ARHGAP23: variants seen among roughly 807,000 people sequenced by gnomAD.
ARHGAP23 encodes the protein rho GTPase-activating protein 23.
Under a neutral mutation model 136.3 loss-of-function variants are expected in ARHGAP23, and 34 were observed. That is an observed-to-expected ratio of 0.25 (90% confidence interval 0.19 to 0.33). The LOEUF (loss-of-function observed/expected upper bound fraction) is 0.33, where lower values mean the gene tolerates loss of function less well. ARHGAP23 is among the 10% of genes least tolerant of loss of function. ARHGAP23 has a pLI of 1.00. For synonymous variants in ARHGAP23, 832 were observed against 920.5 expected (o/e 0.90, Z 1.74); for missense variants, 1,808 against 2,139.0 (o/e 0.85, Z 3.05).
chr17:38,433,627 T>C (rs9900951), intron 1 of ARHGAP23, among the ~76,000 whole-genome samples: 1,865 of 152,174 alleles, frequency 0.012, 33 homozygotes, highest in African/African-American at 0.041. Flanking sequence ...GATAGGAAAT[T>C]AGAGGAGCAG....
chr17:38,480,661 G>A (rs1275286289), intron 14 of ARHGAP23, among the ~76,000 whole-genome samples: 1 of 150,978 alleles, frequency 6.6e-6, no homozygotes, highest in Non-Finnish European at 1.5e-5. Context: ...AAAAGTACCC[G>A]GGCGTGGTGG....
rs1389207202 is a variant in ARHGAP23 at position 38,511,140 on chromosome 17, G to A, written c.*168G>A. The A allele has an allele frequency of 2.8e-6, 2 of 723,366 alleles. No individual in the cohort carries two copies. Among genetic ancestry groups the A allele is most frequent in the East Asian group, 3.5e-5 (1 of 28,926 alleles). The allele number at this position is 723,366 out of a possible 1,614,324, so 44.8% of individuals were successfully genotyped here. On this transcript the variant is annotated 3_prime_UTR_variant, in exon 24 of 24. Coordinates refer to ENST00000622683, the MANE Select transcript of ARHGAP23 (RefSeq NM_001199417.2). ...GGTGTGCTGGAACTGGCAGGGCAGA[G>A]GAGAAGGCTGGGGCCGGACTAATTG... is the stretch of plus-strand genomic sequence containing the variant.
intron 11 of ARHGAP23, among the ~76,000 whole-genome samples, chr17:38,475,560 G>A (rs941347275): frequency 4.6e-5 from 7 of 152,204 alleles, no homozygotes; most frequent in Non-Finnish European, 7.3e-5. Flanking sequence ...TGCCAGCCAC[G>A]GGGTCTCTTT....
chr17:38,455,453 G>A (rs1275940700), intron 1 of ARHGAP23, among the ~76,000 whole-genome samples: 2 of 152,140 alleles, frequency 1.3e-5, no homozygotes, highest in African/African-American at 4.8e-5. Context: ...GACCCGGAGA[G>A]GAAGGCATGC....
intron 17 of ARHGAP23, among the ~76,000 whole-genome samples, chr17:38,489,025 A>C (rs1021388036): frequency 2.6e-5 from 4 of 151,718 alleles, no homozygotes; most frequent in Admixed American, 2.0e-4. Context: ...ACAGGCGCCT[A>C]CCACCATGCC....
intron 1 of ARHGAP23, among the ~76,000 whole-genome samples, chr17:38,444,345 G>A (rs1219549270): frequency 1.3e-5 from 2 of 152,056 alleles, no homozygotes; most frequent in African/African-American, 2.4e-5. Context: ...TTCATTGTGC[G>A]GGCTCATTTC....
rs556813600 is a variant in ARHGAP23, at chr17:38,465,339, G to T, written c.484-828G>T. 4.9e-5 allele frequency among the ~76,000 whole-genome samples: 7 copies of T among 142,018 alleles called. No individual in the cohort carries two copies. The South Asian group carries it at 1.5e-3, about 29-fold the overall frequency. 93.2% of individuals were successfully genotyped at this position (142,018 alleles called of 152,430 possible). On this transcript the variant is annotated intron_variant, in intron 6 of 23. Coordinates refer to ENST00000622683, the MANE Select transcript of ARHGAP23 (RefSeq NM_001199417.2). ...TCTACTGTGTGTGTGTGTGTCTCTGGGTGTGTATCTTCCAGTGTCTCCTTG... is the reference window on the plus strand; with the variant it reads ...TCTACTGTGTGTGTGTGTGTCTCTGTGTGTGTATCTTCCAGTGTCTCCTTG...
Position 38,510,591 on chromosome 17 carries a change from G to A in ARHGAP23, c.4095G>A (p.Arg1365=). ...CCCCGGCGGCGGCGCTGGCCTCCCG[G>A]CCCTCGCGCATGGAGGCGCTGCGTC... ...LRPPAAALAS[R]PSRMEALRLR... is the part of the protein sequence containing the mutation. Residue 1365 remains arginine, a synonymous_variant, in exon 24 of 24, where the codon CGG becomes CGA. Coordinates refer to ENST00000622683, the MANE Select transcript of ARHGAP23 (RefSeq NM_001199417.2). This position sits in a 1 kb window ranked among gnomAD's most constrained non-coding sequence, Gnocchi z 4.6. The A allele has an allele frequency of 7.8e-7, 1 of 1,280,624 alleles. No homozygotes were observed. Among genetic ancestry groups the A allele is most frequent in the South Asian group, 2.7e-5 (1 of 37,568 alleles). 79.3% of individuals were successfully genotyped at this position (1,280,624 alleles called of 1,614,324 possible).
At chr17:38,425,157 A>G (rs112659842), upstream of ARHGAP23, among the ~76,000 whole-genome samples, 2 of 152,140 alleles carry the variant, frequency 1.3e-5, no homozygotes, top group Non-Finnish European at 2.9e-5. Context: ...GCCTCTGGGC[A>G]GCCCCTCCAG....
chr17:38,428,626 C>A, intron 1 of ARHGAP23, 78 bp downstream of exon 1: 1 of 1,007,340 alleles, frequency 9.9e-7, no homozygotes, highest in Non-Finnish European at 1.3e-6. Flanking sequence ...GTCGCTGCGA[C>A]CCCGCTCGCC....
At chr17:38,441,723 A>G (rs2038924190) in intron 1 of ARHGAP23, among the ~76,000 whole-genome samples, 1 of 152,154 alleles carries the variant, frequency 6.6e-6, no homozygotes, top group Non-Finnish European at 1.5e-5. Context: ...CCTGGAGGGT[A>G]AGGGTTGAGT....
chr17:38,443,373 A>C (rs1216170082), intron 1 of ARHGAP23, among the ~76,000 whole-genome samples: 1 of 152,184 alleles, frequency 6.6e-6, no homozygotes, highest in Admixed American at 6.5e-5. Context: ...AGCACTCAGC[A>C]AGTATTCTTG....
At chr17:38,461,511 A>C (rs192425199) in intron 3 of ARHGAP23, among the ~76,000 whole-genome samples, 40 of 152,312 alleles carry the variant, frequency 2.6e-4, no homozygotes, top group Admixed American at 2.4e-3. Context: ...CTGCTCTGCC[A>C]CTGGGGCTTT....
At chr17:38,440,868 A>G (rs541287847) in intron 1 of ARHGAP23, among the ~76,000 whole-genome samples, 40 of 152,340 alleles carry the variant, frequency 2.6e-4, no homozygotes, top group African/African-American at 9.4e-4. Flanking sequence ...TGTGAGCTCC[A>G]AGGAGAGGCT....
Position 38,488,671 on chromosome 17 carries a change from C to G in ARHGAP23, c.2987-1431C>G, listed in dbSNP as rs145916807. 5.2e-3 allele frequency among the ~76,000 whole-genome samples: 784 copies of G among 152,138 alleles called. 7 individuals are homozygous for G. The highest frequency in any genetic ancestry group is 0.018 in the African/African-American group (748 of 41,472). ...TCAAGCGATTCTCCTGCCTCAGTCT[C>G]CCGAACAGCTGGGATTACAGGTGCC... is the stretch of plus-strand genomic sequence containing the variant. On this transcript the variant is annotated intron_variant, in intron 17 of 23. Transcript: ENST00000622683.
Position 38,510,320 on chromosome 17 carries a change from C to G in ARHGAP23, c.3824C>G (p.Ala1275Gly). ...SGRRAGAGDE[A>G]DDERSELSHV... ...CGGCGGGCAGGGGCGGGGGATGAGG[C>G]GGACGACGAGCGTAGCGAGCTGAGC... is the stretch of plus-strand genomic sequence containing the variant. The change falls in exon 24 of 24, where the codon GCG becomes GGG. Residue 1275 changes from alanine to glycine, a missense_variant. Ala to Gly is a moderately conservative substitution (Grantham distance 60). Around this residue, in one of 7 missense-constraint regions of ARHGAP23, gnomAD observed 506 missense variants for 455.8 expected, o/e 1.11. Transcript: ENST00000622683. The surrounding 1 kb of genome is among the most constrained non-coding windows in gnomAD (Gnocchi z 4.6). The G allele has an allele frequency of 7.9e-7, 1 of 1,265,534 alleles. No individual in the cohort carries two copies. The allele number at this position is 1,265,534 out of a possible 1,614,324, so 78.4% of individuals were successfully genotyped here.
chr17:38,460,615 C>T (rs1297801657), intron 2 of ARHGAP23, among the ~76,000 whole-genome samples: 1 of 152,148 alleles, frequency 6.6e-6, no homozygotes, highest in Non-Finnish European at 1.5e-5. Flanking sequence ...TGTGTGATGC[C>T]TCCCTCGTTG....
Position 38,463,107 on chromosome 17 carries a change from C to T in ARHGAP23, c.350-11C>T, listed in dbSNP as rs1393648764. ...CCCTTTGGTCACCACTCATGCGCTC[C>T]TTGTCCCCAGGAGACCGGCTGGTAA... On this transcript the variant is annotated splice_polypyrimidine_tract_variant and intron_variant, in intron 4 of 23. Coordinates refer to ENST00000622683, the MANE Select transcript of ARHGAP23 (RefSeq NM_001199417.2). The T allele has an allele frequency of 2.6e-6, 4 of 1,550,926 alleles. No individual in the cohort carries two copies. Among genetic ancestry groups the T allele is most frequent in the Non-Finnish European group, 3.5e-6 (4 of 1,146,664 alleles).
rs1291486998 is a variant in ARHGAP23 at position 38,463,376 on chromosome 17, C to T, written c.477C>T (p.Leu159=). The part of the protein sequence containing the change: ...LSIMPKDEDI[L]QLAYSQDAYL... Reference sequence around the variant, plus strand: ...TCATGCCCAAGGACGAGGACATCCTCCAGCTGGTGAGTCCAGCCCCTGTGG... The same window carrying T: ...TCATGCCCAAGGACGAGGACATCCTTCAGCTGGTGAGTCCAGCCCCTGTGG... The change falls in exon 6 of 24, where the codon CTC becomes CTT. Residue 159 remains leucine, a synonymous_variant. Transcript: ENST00000622683. The T allele has an allele frequency of 1.3e-6, 2 of 1,551,692 alleles. No individual in the cohort carries two copies. Among genetic ancestry groups the T allele is most frequent in the South Asian group, 2.4e-5 (2 of 84,058 alleles).
Sources: gnomAD v4.1 joint callset for allele counts (sites outside exome capture counted in the v4.1 genomes callset) on GRCh38, gnomAD v4.1.1 for gene constraint, gnomAD v4.1.1 regional missense constraint, Gnocchi (gnomAD v3.1) non-coding constraint, MANE v1.5 for transcripts, NCBI Gene and HGNC (gene_info 2026-07-23, HGNC 2026-07-21) for gene names.